ETNK2: variants seen among roughly 807,000 people sequenced by gnomAD.
ETNK2 encodes the protein ethanolamine kinase 2.
In ETNK2, 33 loss-of-function variants were observed where a neutral mutation model predicts 46.2. The observed-to-expected ratio is 0.71, with a 90% CI of 0.54 to 0.96. ETNK2 has a LOEUF of 0.96. ETNK2 is among the 40% of genes least tolerant of loss of function. ETNK2 has a pLI of 0.00. For missense variants in ETNK2, 445 were observed against 509.7 expected, an observed-to-expected ratio of 0.87 and a Z score of 1.22; for synonymous variants, 194 against 209.0, an observed-to-expected ratio of 0.93 and a Z score of 0.62.
intron 3 of ETNK2, 71 bp downstream of exon 3, chr1:204,146,571 G>T: frequency 6.3e-7 from 1 of 1,585,380 alleles, no homozygotes; most frequent in Non-Finnish European, 8.6e-7. Flanking sequence ...CTAGCAGGGT[G>T]GGCTGGAGCC....
chr1:204,132,368 C>A, intron 7 of ETNK2, 112 bp from the exon 8 acceptor site: 1 of 740,278 alleles, frequency 1.4e-6, no homozygotes, highest in South Asian at 1.5e-5. Flanking sequence ...CTATCTAAGT[C>A]TGAGCAGATC....
intron 3 of ETNK2, among the ~76,000 whole-genome samples, chr1:204,143,863 C>T (rs1445559525): frequency 6.6e-6 from 1 of 152,182 alleles, no homozygotes; most frequent in African/African-American, 2.4e-5. Context: ...CACGTTCTCC[C>T]AGCCACTCTG....
At chr1:204,133,832 C>T (rs1378735358) in intron 7 of ETNK2, among the ~76,000 whole-genome samples, 4 of 152,196 alleles carry the variant, frequency 2.6e-5, no homozygotes, top group Admixed American at 2.6e-4. Flanking sequence ...CGCCCGGCCT[C>T]ACCGTGCTCT....
chr1:204,150,269 C>T (rs1430831465), intron 1 of ETNK2, among the ~76,000 whole-genome samples: 2 of 152,188 alleles, frequency 1.3e-5, no homozygotes, highest in Non-Finnish European at 2.9e-5. Context: ...GAGGTAGACG[C>T]CTCCTGCTGC....
intron 3 of ETNK2, among the ~76,000 whole-genome samples, chr1:204,145,154 T>C (rs971924039): frequency 1.3e-5 from 2 of 152,214 alleles, no homozygotes; most frequent in Non-Finnish European, 2.9e-5. Context: ...GCTTAGGGCA[T>C]GGATCATCCC....
Position 204,141,563 on chromosome 1 carries a change from AG to A in ETNK2, c.642-107del, listed in dbSNP as rs929834403. ...CTCATCACTCCCTCTGTCTTACTGC[AG>A]GGGGCCTTGGAAAAATGGCCAATCT... On this transcript the variant is annotated intron_variant, in intron 3 of 7. Transcript: ENST00000367202. 16 of 1,317,492 alleles carry A rather than the reference AG, an allele frequency of 1.2e-5. No homozygotes were observed. The African/African-American group carries it at 1.9e-4, about 16-fold the overall frequency. The allele number at this position is 1,317,492 out of a possible 1,614,324, so 81.6% of individuals were successfully genotyped here.
intron 3 of ETNK2, 67 bp downstream of exon 3, chr1:204,146,575 T>C: frequency 6.3e-7 from 1 of 1,596,644 alleles, no homozygotes; most frequent in Non-Finnish European, 8.6e-7. Context: ...CAGGGTGGGC[T>C]GGAGCCAAAA....
intron 7 of ETNK2, 142 bp downstream of exon 7, chr1:204,134,372 TG>T: frequency 3.4e-6 from 3 of 875,508 alleles, no homozygotes; most frequent in Non-Finnish European, 5.2e-6. Flanking sequence ...GTGGCCCCGC[TG>T]GAGATGAGCT....
chr1:204,146,872 C>T, intron 2 of ETNK2, 108 bp from the exon 3 acceptor site: 2 of 1,422,362 alleles, frequency 1.4e-6, no homozygotes, highest in Non-Finnish European at 2.0e-6. Context: ...GGGCACTTGC[C>T]AGAGGGCCAA....
In ETNK2 at chr1:204,132,059, C is replaced by T. The variant is rs983694989; in HGVS notation, c.*125G>A. ...GGTCTGGCGGCAGGGACAGAGCCTT[C>T]TCCCTGGACACCCATGTGTCCCCTC... On this transcript the variant is annotated 3_prime_UTR_variant, in exon 8 of 8. Coordinates refer to ENST00000367202, the MANE Select transcript of ETNK2 (RefSeq NM_018208.4). 1.2e-5 allele frequency: 9 copies of T among 775,464 alleles called. No homozygotes were observed. The highest frequency in any genetic ancestry group is 2.0e-5 in the Non-Finnish European group (9 of 446,576). 48.0% of individuals were successfully genotyped at this position (775,464 alleles called of 1,614,324 possible). A position where few individuals can be genotyped will look rare whatever the true frequency, so the allele number is the denominator to read the frequency against.
chr1:204,142,822 T>G (rs2102294072), intron 3 of ETNK2: 1 of 152,322 alleles, frequency 6.6e-6, no homozygotes, highest in South Asian at 2.1e-4. Context: ...ACAGGGTCCC[T>G]TCCAGGCTTT....
chr1:204,151,480 G>T lies in ETNK2; in HGVS notation c.258+115C>A. 7.1e-7 allele frequency: 1 copy of T among 1,412,494 alleles called. No individual in the cohort carries two copies. The highest frequency in any genetic ancestry group is 9.6e-7 in the Non-Finnish European group (1 of 1,046,162). 87.5% of individuals were successfully genotyped at this position (1,412,494 alleles called of 1,614,324 possible). A position where few individuals can be genotyped will look rare whatever the true frequency, so the allele number is the denominator to read the frequency against. The stretch of plus-strand genomic sequence containing the variant: ...AAACCACGTTCCAAACCTTTCTTGC[G>T]CAGCAGCCGCGCACCCCTGGGACTG... On this transcript the variant is annotated intron_variant, in intron 1 of 7. Coordinates refer to ENST00000367202, the MANE Select transcript of ETNK2 (RefSeq NM_018208.4). The surrounding 1 kb of genome is among the most constrained non-coding windows in gnomAD (Gnocchi z 8.0).
chr1:204,151,930 T>C lies in ETNK2; in HGVS notation c.-78A>G. On this transcript the variant is annotated 5_prime_UTR_variant, in exon 1 of 8. Coordinates refer to ENST00000367202, the MANE Select transcript of ETNK2 (RefSeq NM_018208.4). The surrounding 1 kb of genome is among the most constrained non-coding windows in gnomAD (Gnocchi z 8.0). The stretch of plus-strand genomic sequence containing the variant: ...GGGTCCGGCGAGGGAGTGGGAGTGG[T>C]AGAGGAGGGGCCAGGGGAAGTCCAT... 8.8e-6 allele frequency: 12 copies of C among 1,364,552 alleles called. No individual in the cohort carries two copies. The highest frequency in any genetic ancestry group is 9.5e-6 in the Non-Finnish European group (10 of 1,055,964). The allele number at this position is 1,364,552 out of a possible 1,614,324, so 84.5% of individuals were successfully genotyped here. A position where few individuals can be genotyped will look rare whatever the true frequency, so the allele number is the denominator to read the frequency against.
In ETNK2 at chr1:204,131,097, A is replaced by C. The variant is rs1657050075; in HGVS notation, c.*1087T>G. 1.3e-5 allele frequency: 2 copies of C among 152,704 alleles called. No individual in the cohort carries two copies. Among genetic ancestry groups the C allele is most frequent in the Admixed American group, 6.5e-5 (1 of 15,292 alleles). The allele number at this position is 152,704 out of a possible 1,614,324, so 9.5% of individuals were successfully genotyped here. A position where few individuals can be genotyped will look rare whatever the true frequency, so the allele number is the denominator to read the frequency against. ...AGCATTTTAATGCAGAAAGAAAACC[A>C]TGATAATTTACAAATGAATCACTTT... On this transcript the variant is annotated 3_prime_UTR_variant, in exon 8 of 8. Coordinates refer to ENST00000367202, the MANE Select transcript of ETNK2 (RefSeq NM_018208.4). The surrounding 1 kb of genome is among the most constrained non-coding windows in gnomAD (Gnocchi z 4.3).
intron 4 of ETNK2, 32 bp from the exon 5 acceptor site, chr1:204,140,150 G>C: frequency 6.3e-7 from 1 of 1,583,402 alleles, no homozygotes; most frequent in Non-Finnish European, 8.7e-7. Flanking sequence ...ATGAGAGTTG[G>C]CCCAGGAGAT....
chr1:204,136,841 G>C (rs921155238), intron 6 of ETNK2, among the ~76,000 whole-genome samples: 11 of 152,168 alleles, frequency 7.2e-5, no homozygotes, highest in Non-Finnish European at 1.2e-4. Context: ...AGGAAGCTAG[G>C]ATATTTCTTG....
chr1:204,139,874 T>G (rs923174537), intron 5 of ETNK2, among the ~76,000 whole-genome samples, 161 bp downstream of exon 5: 1 of 152,162 alleles, frequency 6.6e-6, no homozygotes, highest in Non-Finnish European at 1.5e-5. Context: ...TGCTAAGTAT[T>G]TACGTATCTA....
Position 204,151,316 on chromosome 1 carries a change from TGC to T in ETNK2, c.258+277_258+278del. 1.9e-6 allele frequency: 1 copy of T among 540,116 alleles called. No individual in the cohort carries two copies. Among genetic ancestry groups the T allele is most frequent in the Non-Finnish European group, 3.2e-6 (1 of 308,682 alleles). The allele number at this position is 540,116 out of a possible 1,614,324, so 33.5% of individuals were successfully genotyped here. A position where few individuals can be genotyped will look rare whatever the true frequency, so the allele number is the denominator to read the frequency against. On this transcript the variant is annotated intron_variant, in intron 1 of 7. Transcript: ENST00000367202. The surrounding 1 kb of genome is among the most constrained non-coding windows in gnomAD (Gnocchi z 8.0). ...GGCACCAGCACGCAGCGACAGGGGG[TGC>T]GGCCCGCACACGCAGCATGCCGACA...
At chr1:204,141,913 G>A (rs1657559985) in intron 3 of ETNK2, 2 of 162,852 alleles carry the variant, frequency 1.2e-5, no homozygotes, top group Admixed American at 1.2e-4. Flanking sequence ...AGGAGGCGGT[G>A]CAGCTCCCTA....
Sources: gnomAD v4.1 joint callset for allele counts (sites outside exome capture counted in the v4.1 genomes callset) on GRCh38, gnomAD v4.1.1 for gene constraint, Gnocchi (gnomAD v3.1) non-coding constraint, MANE v1.5 for transcripts, NCBI Gene and HGNC (gene_info 2026-07-23, HGNC 2026-07-21) for gene names.